The following ERN1 variants were observed in gnomAD, a reference collection of about 807,000 sequenced individuals.
ERN1 encodes the protein endoplasmic reticulum to nucleus signaling 1.
In ERN1, 39 loss-of-function variants were observed where a neutral mutation model predicts 113.1. The ratio of observed to expected loss-of-function variants is 0.34; its 90% confidence interval spans 0.27 to 0.45. ERN1 has a LOEUF of 0.45. Among genes scored for constraint, ERN1 ranks in the 20% least tolerant of loss-of-function variants. ERN1 has a pLI of 1.00. For synonymous variants in ERN1, 507 were observed against 515.9 expected, an observed-to-expected ratio of 0.98 and a Z score of 0.23; for missense variants, 976 against 1,274.8, an observed-to-expected ratio of 0.77 and a Z score of 3.57.
At chr17:64,074,211 A>C (rs1287018493) in intron 5 of ERN1, among the ~76,000 whole-genome samples, 1 of 152,184 alleles carries the variant, frequency 6.6e-6, no homozygotes, top group Non-Finnish European at 1.5e-5. Flanking sequence ...CCATGCTCTT[A>C]AATATGTTTA....
chr17:64,086,410 G>T (rs1226255640), intron 2 of ERN1, among the ~76,000 whole-genome samples: 1 of 151,952 alleles, frequency 6.6e-6, no homozygotes, highest in Non-Finnish European at 1.5e-5. Context: ...CTCACATAAT[G>T]TCTTGGAAAT....
intron 2 of ERN1, among the ~76,000 whole-genome samples, chr17:64,087,707 A>G (rs966901134): frequency 1.3e-5 from 2 of 152,334 alleles, no homozygotes; most frequent in South Asian, 4.1e-4. Context: ...AAAGTTAAAA[A>G]AAAAGCTAAA....
intron 5 of ERN1, among the ~76,000 whole-genome samples, chr17:64,072,783 C>T (rs1157288153): frequency 6.6e-6 from 1 of 152,160 alleles, no homozygotes; most frequent in Non-Finnish European, 1.5e-5. Flanking sequence ...GCATATGTAT[C>T]AATGGTATAT....
intron 2 of ERN1, among the ~76,000 whole-genome samples, chr17:64,097,049 G>A (rs1458457333): frequency 1.3e-5 from 2 of 152,208 alleles, no homozygotes; most frequent in East Asian, 3.8e-4. Context: ...AGGCTTAAAT[G>A]TGATGGAGAT....
intron 3 of ERN1, 197 bp downstream of exon 3, chr17:64,080,578 A>T (rs931833306): frequency 1.8e-6 from 1 of 541,944 alleles, no homozygotes; most frequent in Non-Finnish European, 3.3e-6. Context: ...TAAAACCACT[A>T]CCCTTCTCCC....
chr17:64,113,578 C>T (rs1358027074), intron 1 of ERN1, among the ~76,000 whole-genome samples: 1 of 151,866 alleles, frequency 6.6e-6, no homozygotes, highest in African/African-American at 2.4e-5. Flanking sequence ...GGCGTGATCC[C>T]GGCTCACTGC....
intron 15 of ERN1, 78 bp from the exon 16 acceptor site, chr17:64,053,449 T>C (rs1912755036): frequency 1.0e-6 from 1 of 1,002,110 alleles, no homozygotes; most frequent in Non-Finnish European, 1.4e-6. Context: ...TTTGATACCA[T>C]TTTAAGAAAG....
intron 20 of ERN1, 138 bp downstream of exon 20, chr17:64,045,221 C>A (rs905691370): frequency 4.2e-6 from 4 of 955,076 alleles, no homozygotes; most frequent in Non-Finnish European, 6.4e-6. Context: ...CCACAGAGGA[C>A]ACACCCAAGA....
At chr17:64,055,537 AC>A in intron 13 of ERN1, 137 bp downstream of exon 13, 2 of 819,636 alleles carry the variant, frequency 2.4e-6, no homozygotes, top group East Asian at 3.0e-5. Flanking sequence ...TCCCACAGAG[AC>A]CCCCAGAGTG....
chr17:64,085,258 C>A (rs1481741387), intron 2 of ERN1, among the ~76,000 whole-genome samples: 1 of 152,160 alleles, frequency 6.6e-6, no homozygotes, highest in African/African-American at 2.4e-5. Context: ...CACGTTTCTG[C>A]AGGCTGTACA....
chr17:64,049,979 C>T lies in ERN1; in HGVS notation c.2254-777G>A, dbSNP rs767530495. ...GTGTGAGGAAGCAGGGGCTCATCACCTCCCATGCTGGAGGAGACACACCTT... is the reference window on the plus strand; with the variant it reads ...GTGTGAGGAAGCAGGGGCTCATCACTTCCCATGCTGGAGGAGACACACCTT... On this transcript the variant is annotated intron_variant, in intron 17 of 21. Transcript: ENST00000433197. This position sits in a 1 kb window ranked among gnomAD's most constrained non-coding sequence, Gnocchi z 4.7. Among the ~76,000 whole-genome samples the T allele has an allele frequency of 4.3e-4, 65 of 152,230 alleles. No individual in the cohort carries two copies. Among genetic ancestry groups the T allele is most frequent in the Admixed American group, 1.0e-3 (16 of 15,298 alleles).
At position 64,044,179 on chromosome 17, in the gene ERN1, G is replaced by A. The variant is rs1912434407; in HGVS notation, c.2743C>T (p.Pro915Ser). The A allele has an allele frequency of 6.4e-7, 1 of 1,571,566 alleles. No homozygotes were observed. Among genetic ancestry groups the A allele is most frequent in the African/African-American group, 1.3e-5 (1 of 74,118 alleles). ...RNKKHHYREL[P>S]AEVRETLGSL... is the part of the protein sequence containing the mutation. The stretch of plus-strand genomic sequence containing the variant: ...CCCAGCGTCTCCCGCACCTCTGCAG[G>A]CAGCTCCCGGTAGTGGTGCTTCTGC... The change falls in exon 22 of 22, where the codon CCT (proline) becomes TCT (serine). Residue 915 changes from proline (P) to serine (S), a missense_variant. By Grantham distance (74) the Pro-to-Ser change is moderately conservative (BLOSUM62 -1). Transcript: ENST00000433197. The surrounding 1 kb of genome is among the most constrained non-coding windows in gnomAD (Gnocchi z 4.1).
At chr17:64,099,751 C>A (rs1342151764) in intron 1 of ERN1, among the ~76,000 whole-genome samples, 2 of 152,074 alleles carry the variant, frequency 1.3e-5, no homozygotes, top group Non-Finnish European at 2.9e-5. Flanking sequence ...TCTGGGGCAG[C>A]CTGAGGTGGC....
chr17:64,098,150 G>C lies in ERN1; in HGVS notation c.146C>G (p.Thr49Arg). 1.2e-6 allele frequency: 2 copies of C among 1,614,010 alleles called. No individual in the cohort carries two copies. Among genetic ancestry groups the C allele is most frequent in the Non-Finnish European group, 1.7e-6 (2 of 1,179,890 alleles). Residue 49 changes from threonine to arginine, a missense_variant, in exon 2 of 22, where the codon ACA (threonine) becomes AGA (arginine). Transcript: ENST00000433197. ...DGSLHAVSKR[T>R]GSIKWTLKED... Reference sequence around the variant, plus strand: ...TTTTAAAGTCCATTTGATTGAGCCTGTCCTCTTGCTGACAGCATGCAAACT... The same window carrying C: ...TTTTAAAGTCCATTTGATTGAGCCTCTCCTCTTGCTGACAGCATGCAAACT...
intron 13 of ERN1, among the ~76,000 whole-genome samples, chr17:64,055,250 A>C (rs1912822592): frequency 6.6e-6 from 1 of 152,158 alleles, no homozygotes; most frequent in African/African-American, 2.4e-5. Flanking sequence ...CTTGGGACAG[A>C]GGGCTCTGAG....
chr17:64,053,739 G>A (rs1912763623), intron 15 of ERN1, among the ~76,000 whole-genome samples: 1 of 152,168 alleles, frequency 6.6e-6, no homozygotes, highest in African/African-American at 2.4e-5. Context: ...AAGAGGGAAA[G>A]AACAACTGTC....
intron 2 of ERN1, among the ~76,000 whole-genome samples, chr17:64,084,120 C>T (rs1186093412): frequency 6.6e-6 from 1 of 152,082 alleles, no homozygotes; most frequent in Non-Finnish European, 1.5e-5. Context: ...GACACGCCCA[C>T]TACTTCCCAC....
intron 1 of ERN1, among the ~76,000 whole-genome samples, chr17:64,123,948 T>C (rs981693261): frequency 6.6e-6 from 1 of 152,206 alleles, no homozygotes; most frequent in Admixed American, 6.5e-5. Flanking sequence ...GGAAGAAAAG[T>C]ATTACCTGTA....
chr17:64,066,785 A>T lies in ERN1; in HGVS notation c.728T>A (p.Ile243Asn). ...GCGCAGGGTCTCCACAGCGACATTG[A>T]TGTGCATCACCTTCCTCAGACCCTC... ...QREGLRKVMH[I>N]NVAVETLRYL... Residue 243 changes from isoleucine (I) to asparagine (N), a missense_variant, in exon 8 of 22, where the codon ATC (isoleucine) becomes AAC (asparagine). This residue lies in a region of ERN1 where 459 missense variants were observed against 581.2 expected (regional missense o/e 0.79). Transcript: ENST00000433197. The T allele has an allele frequency of 6.2e-7, 1 of 1,613,894 alleles. No individual in the cohort carries two copies. Among genetic ancestry groups the T allele is most frequent in the Non-Finnish European group, 8.5e-7 (1 of 1,179,876 alleles).
Sources: gnomAD v4.1 joint callset for allele counts (sites outside exome capture counted in the v4.1 genomes callset) on GRCh38, gnomAD v4.1.1 for gene constraint, gnomAD v4.1.1 regional missense constraint, Gnocchi (gnomAD v3.1) non-coding constraint, MANE v1.5 for transcripts, NCBI Gene and HGNC (gene_info 2026-07-23, HGNC 2026-07-21) for gene names.